The following SYNDIG1 variants were observed in gnomAD, a reference collection of about 807,000 sequenced individuals.
SYNDIG1 encodes synapse differentiation-inducing gene protein 1.
SYNDIG1 carries 9 observed loss-of-function variants against 19.4 expected under a neutral mutation model. The ratio of observed to expected loss-of-function variants is 0.46; its 90% confidence interval spans 0.28 to 0.81. The LOEUF is 0.81. SYNDIG1 is among the 30% of genes least tolerant of loss of function. SYNDIG1 has a pLI of 0.12. For missense variants in SYNDIG1, 311 were observed against 343.3 expected, an observed-to-expected ratio of 0.91 and a Z score of 0.74; for synonymous variants, 141 against 145.9, an observed-to-expected ratio of 0.97 and a Z score of 0.24.
chr20:24,552,857 T>C lies in SYNDIG1; in HGVS notation c.480+9280T>C, dbSNP rs1026008626. 3.3e-5 allele frequency among the ~76,000 whole-genome samples: 5 copies of C among 152,368 alleles called. No homozygotes were observed. In the South Asian group the frequency reaches 1.0e-3, roughly 32 times the overall value. On this transcript the variant is annotated intron_variant, in intron 2 of 3. Coordinates refer to ENST00000376862, the MANE Select transcript of SYNDIG1 (RefSeq NM_024893.3). ...GGATGGCTGGGTCAAATGGTATTTC[T>C]AGTTCTAGATCCCTGAGGAATCGCC...
At chr20:24,489,412 C>T (rs1255585494) in intron 1 of SYNDIG1, among the ~76,000 whole-genome samples, 1 of 151,868 alleles carries the variant, frequency 6.6e-6, no homozygotes, top group African/African-American at 2.4e-5. Context: ...TGCACACAGA[C>T]ACATGGACAC....
At chr20:24,475,968 C>G (rs373310023) in intron 1 of SYNDIG1, among the ~76,000 whole-genome samples, 37 of 151,884 alleles carry the variant, frequency 2.4e-4, no homozygotes, top group African/African-American at 7.5e-4. Context: ...TCAAGCGATT[C>G]TTCCACCTCA....
chr20:24,608,193 A>ATTT lies in SYNDIG1; in HGVS notation c.618+23210_618+23212dup, dbSNP rs11481343. Among the ~76,000 whole-genome samples, 350 of 147,820 alleles carry ATTT rather than the reference A, an allele frequency of 2.4e-3. 5 individuals carry two copies. The highest frequency in any genetic ancestry group is 0.011 in the South Asian group (51 of 4,664). On this transcript the variant is annotated intron_variant, in intron 3 of 3. Coordinates refer to ENST00000376862, the MANE Select transcript of SYNDIG1 (RefSeq NM_024893.3). ...TTAAATTTTGGCAATATTATCTCCT[A>ATTT]TTTTTTTTTTTTGAGACAGTCTCGC...
chr20:24,578,069 T>C (rs1293407095), intron 2 of SYNDIG1, among the ~76,000 whole-genome samples: 1 of 152,248 alleles, frequency 6.6e-6, no homozygotes, highest in African/African-American at 2.4e-5. Context: ...TGGGTCCTAC[T>C]ATGTGCCAGG....
chr20:24,572,800 CTG>C (rs1158036344), intron 2 of SYNDIG1, among the ~76,000 whole-genome samples: 4 of 152,126 alleles, frequency 2.6e-5, no homozygotes, highest in Admixed American at 1.3e-4. Flanking sequence ...AAAGATGAAA[CTG>C]TAACAACTGA....
intron 3 of SYNDIG1, among the ~76,000 whole-genome samples, chr20:24,633,358 G>C (rs1446431258): frequency 1.3e-5 from 2 of 152,198 alleles, no homozygotes; most frequent in Non-Finnish European, 2.9e-5. Context: ...GGCCCACAGT[G>C]GAGTGCGTGA....
intron 1 of SYNDIG1, chr20:24,491,455 T>C (rs1472199146): frequency 6.6e-6 from 1 of 152,268 alleles, no homozygotes; most frequent in East Asian, 1.9e-4. Context: ...CTTGATGTTA[T>C]TAGCTCCTGA....
At chr20:24,557,199 C>T (rs2057839049) in intron 2 of SYNDIG1, among the ~76,000 whole-genome samples, 1 of 152,142 alleles carries the variant, frequency 6.6e-6, no homozygotes, top group African/African-American at 2.4e-5. Flanking sequence ...TTCTAGGTAT[C>T]CATTCGTCTA....
intron 1 of SYNDIG1, among the ~76,000 whole-genome samples, chr20:24,489,231 T>G (rs909737194): frequency 2.6e-5 from 4 of 152,116 alleles, no homozygotes; most frequent in African/African-American, 9.6e-5. Context: ...CACCGACATG[T>G]AGATACATGC....
chr20:24,556,006 A>G (rs1342345060), intron 2 of SYNDIG1, among the ~76,000 whole-genome samples: 2 of 152,170 alleles, frequency 1.3e-5, no homozygotes, highest in Admixed American at 6.5e-5. Context: ...GGGTGCATAT[A>G]TATTTAGGAT....
At chr20:24,588,765 G>A (rs370960930) in intron 3 of SYNDIG1, among the ~76,000 whole-genome samples, 1 of 152,198 alleles carries the variant, frequency 6.6e-6, no homozygotes, top group Non-Finnish European at 1.5e-5. Flanking sequence ...GATGTTGCTC[G>A]GTTGTGAATA....
chr20:24,482,063 G>A (rs1208081743), intron 1 of SYNDIG1, among the ~76,000 whole-genome samples: 1 of 152,140 alleles, frequency 6.6e-6, no homozygotes, highest in Non-Finnish European at 1.5e-5. Flanking sequence ...AATCCTCACA[G>A]AGCAAATAAG....
At chr20:24,567,158 G>A (rs1372619764) in intron 2 of SYNDIG1, among the ~76,000 whole-genome samples, 3 of 152,132 alleles carry the variant, frequency 2.0e-5, no homozygotes, top group Non-Finnish European at 1.5e-5. Context: ...GAGTAAAGCA[G>A]GGTTTTATTG....
intron 2 of SYNDIG1, among the ~76,000 whole-genome samples, chr20:24,559,551 A>G (rs1428148968): frequency 3.3e-5 from 5 of 152,190 alleles, no homozygotes; most frequent in Non-Finnish European, 7.3e-5. Context: ...ACCCTCACTC[A>G]TATTTACTGT....
intron 1 of SYNDIG1, among the ~76,000 whole-genome samples, chr20:24,492,530 G>C (rs2056186580): frequency 6.6e-6 from 1 of 152,228 alleles, no homozygotes; most frequent in Admixed American, 6.5e-5. Context: ...TTCTTCAGAG[G>C]CTGGCTTGAG....
chr20:24,565,142 G>A (rs2058021517), intron 2 of SYNDIG1, among the ~76,000 whole-genome samples: 1 of 152,148 alleles, frequency 6.6e-6, no homozygotes, highest in South Asian at 2.1e-4. Flanking sequence ...CAGCTTCAGT[G>A]ATACCATATG....
intron 1 of SYNDIG1, among the ~76,000 whole-genome samples, chr20:24,515,025 A>G (rs6138310): frequency 0.57 from 85,898 of 152,008 alleles, 25,737 homozygotes; most frequent in East Asian, 0.73. Context: ...CTGAATGACT[A>G]CTGGGTACAT....
intron 3 of SYNDIG1, 43 bp downstream of exon 3, chr20:24,585,036 AC>A: frequency 5.3e-6 from 3 of 570,092 alleles, no homozygotes; most frequent in South Asian, 3.7e-5. Context: ...GCAGGTGTTC[AC>A]AGGGTGGGGG....
intron 2 of SYNDIG1, among the ~76,000 whole-genome samples, chr20:24,575,195 A>C (rs1477600302): frequency 1.3e-5 from 2 of 152,210 alleles, no homozygotes; most frequent in African/African-American, 4.8e-5. Flanking sequence ...AGGGAGTTCA[A>C]GTCTCCCACT....
Sources: gnomAD v4.1 joint callset for allele counts (sites outside exome capture counted in the v4.1 genomes callset) on GRCh38, gnomAD v4.1.1 for gene constraint, MANE v1.5 for transcripts, NCBI Gene and HGNC (gene_info 2026-07-23, HGNC 2026-07-21) for gene names.